ZNF470: variants seen among roughly 807,000 people sequenced by gnomAD.
ZNF470 encodes the protein zinc finger protein 470.
Under a neutral mutation model 13.9 loss-of-function variants are expected in ZNF470, and 13 were observed. The observed-to-expected ratio is 0.94, with a 90% CI of 0.61 to 1.49. The LOEUF (loss-of-function observed/expected upper bound fraction) is 1.49. Among genes scored for constraint, ZNF470 ranks in the 40% most tolerant of loss-of-function variants. The probability of loss-of-function intolerance (pLI) is 0.00; values close to 1 mark genes in which losing one functional copy is unlikely to be tolerated. For missense variants in ZNF470, 929 were observed against 857.3 expected, an observed-to-expected ratio of 1.08 and a Z score of -1.04; for synonymous variants, 293 against 282.9, an observed-to-expected ratio of 1.04 and a Z score of -0.36.
At chr19:56,571,839 A>G (rs2044454473) in intron 3 of ZNF470, among the ~76,000 whole-genome samples, 2 of 151,022 alleles carry the variant, frequency 1.3e-5, no homozygotes, top group Admixed American at 6.6e-5. Context: ...GCTAGTCTCA[A>G]ACTCCTGACC....
chr19:56,580,147 C>T lies in ZNF470; in HGVS notation c.*1564C>T. 1.0e-6 allele frequency: 1 copy of T among 984,642 alleles called. No homozygotes were observed. Among genetic ancestry groups the T allele is most frequent in the East Asian group, 1.1e-4 (1 of 8,806 alleles). 61.0% of individuals were successfully genotyped at this position (984,642 alleles called of 1,614,324 possible). On this transcript the variant is annotated 3_prime_UTR_variant, in exon 6 of 6. Transcript: ENST00000330619. Reference sequence around the variant, plus strand: ...GCTGGATCAGGCACCTTACTATCCCCAGAACATGTTGGTATTAGAGGATGA... The same window carrying T: ...GCTGGATCAGGCACCTTACTATCCCTAGAACATGTTGGTATTAGAGGATGA...
chr19:56,577,711 A>T lies in ZNF470; in HGVS notation c.1282A>T (p.Asn428Tyr). 1 of 1,611,096 alleles carries T rather than the reference A, an allele frequency of 6.2e-7. No individual in the cohort carries two copies. The change falls in exon 6 of 6, where the codon AAT (asparagine) becomes TAT (tyrosine). Residue 428 changes from asparagine (N) to tyrosine (Y), a missense_variant. Transcript: ENST00000330619. The part of the protein sequence containing the change: ...THTGERPYKC[N>Y]VCGKAFSHGS... ...TACTGGAGAGAGACCTTACAAATGT[A>T]ATGTGTGTGGGAAGGCTTTTAGCCA...
chr19:56,576,601 T>G lies in ZNF470; in HGVS notation c.284-112T>G, dbSNP rs2044489896. On this transcript the variant is annotated intron_variant, in intron 5 of 5. Transcript: ENST00000330619. ...ATCTTATGTAAGAACCATAAAAACA[T>G]GTACCTCTGCTTGTGGGTTTCAATA... 3.6e-6 allele frequency: 3 copies of G among 844,002 alleles called. No homozygotes were observed. The East Asian group carries it at 8.5e-5, about 24-fold the overall frequency. 52.3% of individuals were successfully genotyped at this position (844,002 alleles called of 1,614,324 possible). A position where few individuals can be genotyped will look rare whatever the true frequency, so the allele number is the denominator to read the frequency against.
intron 3 of ZNF470, chr19:56,573,991 A>G: frequency 1.0e-6 from 1 of 983,000 alleles, no homozygotes; most frequent in Non-Finnish European, 1.2e-6. Flanking sequence ...TCAGGTCAGC[A>G]TCCTTCCTTG....
At chr19:56,569,673 C>A (rs189630956) in intron 2 of ZNF470, among the ~76,000 whole-genome samples, 30 of 152,236 alleles carry the variant, frequency 2.0e-4, no homozygotes, top group Non-Finnish European at 3.8e-4. Flanking sequence ...CATGGTGGCT[C>A]ATGCTTGTAA....
rs888322464 is a variant in ZNF470 at position 56,577,444 on chromosome 19, C to T, written c.1015C>T (p.Pro339Ser). The T allele has an allele frequency of 6.2e-7, 1 of 1,614,002 alleles. No homozygotes were observed. Among genetic ancestry groups the T allele is most frequent in the Non-Finnish European group, 8.5e-7 (1 of 1,180,014 alleles). ...TCAGAGGGTCCACACTGGAGAGAAA[C>T]CCTATGAATGTATTGAATGTGGGAA... ...QHQRVHTGEKPYECIECGKAF... is the reference protein window; with the variant it reads ...QHQRVHTGEKSYECIECGKAF... Residue 339 changes from proline to serine, a missense_variant, in exon 6 of 6, where the codon CCC becomes TCC. Pro to Ser is a moderately conservative substitution (Grantham distance 74). Transcript: ENST00000330619.
rs2044501211 is a variant in ZNF470, at chr19:56,577,671, G to A, written c.1242G>A (p.Gln414=). 4 of 1,610,806 alleles carry A rather than the reference G, an allele frequency of 2.5e-6. No individual in the cohort carries two copies. Among genetic ancestry groups the A allele is most frequent in the Non-Finnish European group, 3.4e-6 (4 of 1,177,568 alleles). The change falls in exon 6 of 6, where the codon CAG becomes CAA. Residue 414 remains glutamine, a synonymous_variant. Coordinates refer to ENST00000330619, the MANE Select transcript of ZNF470 (RefSeq NM_001001668.4). ...TCACTGATCACATAGGACTTATTCA[G>A]CATAAGAGAACTCATACTGGAGAGA... ...KAFTDHIGLI[Q]HKRTHTGERP...
rs1438536178 is a variant in ZNF470 at position 56,581,215 on chromosome 19, CA to C, written c.*2636del. The stretch of plus-strand genomic sequence containing the variant: ...GAAAAATGGACTAATGTCCCATTCA[CA>C]AAAGATGCAATAAAAGCAGTTAATG... On this transcript the variant is annotated 3_prime_UTR_variant, in exon 6 of 6. Coordinates refer to ENST00000330619, the MANE Select transcript of ZNF470 (RefSeq NM_001001668.4). 2 of 596,152 alleles carry C rather than the reference CA, an allele frequency of 3.4e-6. No homozygotes were observed. Among genetic ancestry groups the C allele is most frequent in the Non-Finnish European group, 4.2e-6 (2 of 474,884 alleles). The allele number at this position is 596,152 out of a possible 1,614,324, so 36.9% of individuals were successfully genotyped here. A position where few individuals can be genotyped will look rare whatever the true frequency, so the allele number is the denominator to read the frequency against.
Position 56,579,120 on chromosome 19 carries a change from C to G in ZNF470, c.*537C>G. ...CTGACACTGAGAAGTGAGAATCAGC[C>G]AATTAGAACAAAAGCTTTTAGCTGG... On this transcript the variant is annotated 3_prime_UTR_variant, in exon 6 of 6. Transcript: ENST00000330619. 2.0e-6 allele frequency: 2 copies of G among 985,402 alleles called. No individual in the cohort carries two copies. The highest frequency in any genetic ancestry group is 1.1e-4 in the East Asian group (1 of 8,818). The allele number at this position is 985,402 out of a possible 1,614,324, so 61.0% of individuals were successfully genotyped here.
rs1452807229 is a variant in ZNF470, at chr19:56,574,420, C to A, written c.87C>A (p.Ala29=). The change falls in exon 4 of 6, where the codon GCC becomes GCA. Residue 29 remains alanine, a synonymous_variant. Coordinates refer to ENST00000330619, the MANE Select transcript of ZNF470 (RefSeq NM_001001668.4). Reference sequence around the variant, plus strand: ...GTTCAGTGACTTTCACAGATGTGGCCATAGACTTTTCCCAAGATGAATGGG... The same window carrying A: ...GTTCAGTGACTTTCACAGATGTGGCAATAGACTTTTCCCAAGATGAATGGG... The part of the protein sequence containing the change: ...SLGSVTFTDV[A]IDFSQDEWEW... 1 of 1,613,784 alleles carries A rather than the reference C, an allele frequency of 6.2e-7. No homozygotes were observed. Among genetic ancestry groups the A allele is most frequent in the South Asian group, 1.1e-5 (1 of 91,068 alleles).
chr19:56,576,733 A>G lies in ZNF470; in HGVS notation c.304A>G (p.Thr102Ala), dbSNP rs965633017. The part of the protein sequence containing the change: ...LCPDLECVWV[T>A]KSLSLNQDIY... ...TTCAGACTTGGAGTGTGTGTGGGTG[A>G]CCAAATCATTATCTTTAAACCAGGA... is the stretch of plus-strand genomic sequence containing the variant. The change falls in exon 6 of 6, where the codon ACC becomes GCC. Residue 102 changes from threonine to alanine, a missense_variant. Thr to Ala is a moderately conservative substitution (Grantham distance 58). Transcript: ENST00000330619. 2 of 1,475,294 alleles carry G rather than the reference A, an allele frequency of 1.4e-6. No individual in the cohort carries two copies. Among genetic ancestry groups the G allele is most frequent in the Non-Finnish European group, 1.8e-6 (2 of 1,113,986 alleles). 91.4% of individuals were successfully genotyped at this position (1,475,294 alleles called of 1,614,324 possible). A position where few individuals can be genotyped will look rare whatever the true frequency, so the allele number is the denominator to read the frequency against.
chr19:56,571,249 CTTG>C (rs2044449913), intron 3 of ZNF470, among the ~76,000 whole-genome samples: 1 of 152,162 alleles, frequency 6.6e-6, no homozygotes, highest in African/African-American at 2.4e-5. Flanking sequence ...TAGTCAGTCC[CTTG>C]TTGTTCCGTA....
At position 56,567,898 on chromosome 19, in the gene ZNF470, G is replaced by A; in HGVS notation, c.-299G>A. 1 of 984,554 alleles carries A rather than the reference G, an allele frequency of 1.0e-6. No individual in the cohort carries two copies. The highest frequency in any genetic ancestry group is 1.2e-6 in the Non-Finnish European group (1 of 829,810). The allele number at this position is 984,554 out of a possible 1,614,324, so 61.0% of individuals were successfully genotyped here. A position where few individuals can be genotyped will look rare whatever the true frequency, so the allele number is the denominator to read the frequency against. ...AGAGCCCAGTGTGGGCAAAGTCCTAGAGCCCGGGGAAGTTGCCCGGGCGGG... is the reference window on the plus strand; with the variant it reads ...AGAGCCCAGTGTGGGCAAAGTCCTAAAGCCCGGGGAAGTTGCCCGGGCGGG... On this transcript the variant is annotated 5_prime_UTR_variant, in exon 1 of 6. Coordinates refer to ENST00000330619, the MANE Select transcript of ZNF470 (RefSeq NM_001001668.4).
At chr19:56,568,182 C>T (rs985771481) in intron 1 of ZNF470, 144 bp downstream of exon 1, 5 of 922,670 alleles carry the variant, frequency 5.4e-6, no homozygotes, top group Non-Finnish European at 6.5e-6. Context: ...GGAGGGTCAC[C>T]TTGGGTCAGA....
rs1017861596 is a variant in ZNF470, at chr19:56,577,922, A to G, written c.1493A>G (p.His498Arg). ...TTCCGGCAGAGCACGCATCTGGCTC[A>G]TCATCAGAGAATTCATACTGGAGAG... ...KAFRQSTHLA[H>R]HQRIHTGEKP... The change falls in exon 6 of 6, where the codon CAT becomes CGT. Residue 498 changes from histidine to arginine, a missense_variant. Transcript: ENST00000330619. The G allele has an allele frequency of 7.4e-6, 12 of 1,613,924 alleles. No homozygotes were observed. The highest frequency in any genetic ancestry group is 5.9e-6 in the Non-Finnish European group (7 of 1,179,968).
chr19:56,568,909 A>G (rs1031355517), intron 2 of ZNF470, 26 bp downstream of exon 2: 3 of 152,196 alleles, frequency 2.0e-5, no homozygotes, highest in African/African-American at 2.4e-5. Flanking sequence ...ACTTTTGACA[A>G]TTAAAGAAAC....
chr19:56,577,732 A>C lies in ZNF470; in HGVS notation c.1303A>C (p.Ser435Arg). 1 of 1,613,980 alleles carries C rather than the reference A, an allele frequency of 6.2e-7. No homozygotes were observed. Among genetic ancestry groups the C allele is most frequent in the Non-Finnish European group, 8.5e-7 (1 of 1,179,926 alleles). Reference protein sequence around the residue: ...YKCNVCGKAFSHGSSLTVHQR... With the variant: ...YKCNVCGKAFRHGSSLTVHQR... Reference sequence around the variant, plus strand: ...ATGTAATGTGTGTGGGAAGGCTTTTAGCCATGGCTCATCTCTGACAGTACA... The same window carrying C: ...ATGTAATGTGTGTGGGAAGGCTTTTCGCCATGGCTCATCTCTGACAGTACA... The change falls in exon 6 of 6, where the codon AGC becomes CGC. Residue 435 changes from serine (S) to arginine (R), a missense_variant. Transcript: ENST00000330619.
At position 56,574,500 on chromosome 19, in the gene ZNF470, A is replaced by C. The variant is rs139041101; in HGVS notation, c.167A>C (p.Tyr56Ser). The C allele has an allele frequency of 6.2e-7, 1 of 1,613,788 alleles. No homozygotes were observed. Among genetic ancestry groups the C allele is most frequent in the Admixed American group, 1.7e-5 (1 of 60,012 alleles). ...SLYKKVMLEN[Y>S]RNLVSVGLCI... is the part of the protein sequence containing the mutation. Reference sequence around the variant, plus strand: ...TACAAGAAGGTGATGTTAGAAAACTACAGGAACCTAGTTTCAGTGGGTAAG... The same window carrying C: ...TACAAGAAGGTGATGTTAGAAAACTCCAGGAACCTAGTTTCAGTGGGTAAG... Residue 56 changes from tyrosine (Y) to serine (S), a missense_variant, in exon 4 of 6, where the codon TAC becomes TCC. By Grantham distance (144) the Tyr-to-Ser change is moderately radical. Transcript: ENST00000330619.
In ZNF470 at chr19:56,577,003, A is replaced by T; in HGVS notation, c.574A>T (p.Ile192Phe). Residue 192 changes from isoleucine (I) to phenylalanine (F), a missense_variant, in exon 6 of 6, where the codon ATT becomes TTT. Physicochemically the swap from Ile to Phe is conservative, Grantham distance 21. Transcript: ENST00000330619. The part of the protein sequence containing the change: ...HLNTLSYIKQ[I>F]FPMEERIFNF... The stretch of plus-strand genomic sequence containing the variant: ...GAATACATTATCTTATATAAAACAG[A>T]TTTTTCCCATGGAAGAGAGAATATT... 1 of 1,585,930 alleles carries T rather than the reference A, an allele frequency of 6.3e-7. No homozygotes were observed. Among genetic ancestry groups the T allele is most frequent in the Middle Eastern group, 1.7e-4 (1 of 5,890 alleles).
Sources: gnomAD v4.1 joint callset for allele counts (sites outside exome capture counted in the v4.1 genomes callset) on GRCh38, gnomAD v4.1.1 for gene constraint, MANE v1.5 for transcripts, NCBI Gene and HGNC (gene_info 2026-07-23, HGNC 2026-07-21) for gene names.